Variants in SRL observed in about 807,000 individuals in gnomAD.
The protein encoded by SRL is sarcalumenin.
Under a neutral mutation model 39.5 loss-of-function variants are expected in SRL, and 23 were observed. The observed-to-expected ratio is 0.58, with a 90% confidence interval of 0.42 to 0.82. SRL has a LOEUF of 0.82. Among genes scored for constraint, SRL ranks in the 40% least tolerant of loss-of-function variants. SRL has a pLI of 0.00. For synonymous variants in SRL, 272 were observed against 237.4 expected, an observed-to-expected ratio of 1.15 and a Z score of -1.34; for missense variants, 592 against 607.8, an observed-to-expected ratio of 0.97 and a Z score of 0.27.
chr16:4,197,826 C>T lies in SRL; in HGVS notation c.349G>A (p.Glu117Lys). Residue 117 changes from glutamate (E) to lysine (K), a missense_variant, in exon 4 of 6, where the codon GAA becomes AAA. Coordinates refer to ENST00000399609, the MANE Select transcript of SRL (RefSeq NM_001098814.2). The part of the protein sequence containing the change: ...STMINYLLGL[E>K]NTRYQLYTGA... Reference sequence around the variant, plus strand: ...GTATAGAGCTGATAGCGAGTATTTTCCAGCCCAAGGAGGTAGTTTATCATG... The same window carrying T: ...GTATAGAGCTGATAGCGAGTATTTTTCAGCCCAAGGAGGTAGTTTATCATG... 6.2e-7 allele frequency: 1 copy of T among 1,612,790 alleles called. No individual in the cohort carries two copies. Among genetic ancestry groups the T allele is most frequent in the South Asian group, 1.1e-5 (1 of 91,052 alleles).
intron 1 of SRL, among the ~76,000 whole-genome samples, chr16:4,231,626 G>T (rs1485655594): frequency 2.6e-5 from 4 of 152,054 alleles, no homozygotes; most frequent in African/African-American, 9.7e-5. Context: ...ACCTTATATG[G>T]TTCTCTATTC....
intron 1 of SRL, among the ~76,000 whole-genome samples, chr16:4,205,074 G>C (rs2052301360): frequency 6.6e-6 from 1 of 152,068 alleles, no homozygotes; most frequent in African/African-American, 2.4e-5. Context: ...TGTAATCCTA[G>C]CACTTTAGGA....
At chr16:4,204,084 C>A (rs1223364981) in intron 2 of SRL, among the ~76,000 whole-genome samples, 2 of 152,224 alleles carry the variant, frequency 1.3e-5, no homozygotes, top group East Asian at 3.9e-4. Flanking sequence ...AGGAGCAAAT[C>A]GCTGCTAGCC....
intron 1 of SRL, among the ~76,000 whole-genome samples, chr16:4,217,299 C>T (rs558993144): frequency 6.6e-6 from 1 of 152,300 alleles, no homozygotes; most frequent in African/African-American, 2.4e-5. Flanking sequence ...CAGGGTCTTG[C>T]TCTGTCACCT....
chr16:4,210,616 G>A (rs541766847), intron 1 of SRL, among the ~76,000 whole-genome samples: 5 of 149,526 alleles, frequency 3.3e-5, no homozygotes, highest in East Asian at 2.0e-4. Flanking sequence ...TCAGCCTCCC[G>A]AGTAGCTGGA....
chr16:4,221,376 C>G (rs530719767), intron 1 of SRL, among the ~76,000 whole-genome samples: 1 of 152,294 alleles, frequency 6.6e-6, no homozygotes, highest in African/African-American at 2.4e-5. Context: ...CCCTTGGCAG[C>G]CTCATGGCCA....
intron 3 of SRL, among the ~76,000 whole-genome samples, chr16:4,198,981 C>A (rs188390985): frequency 4.6e-4 from 70 of 152,248 alleles, no homozygotes; most frequent in African/African-American, 1.7e-3. Context: ...AGGCTTTCAA[C>A]GTGGGGTGTG....
chr16:4,195,843 T>G, intron 4 of SRL, 57 bp from the exon 5 acceptor site: 1 of 1,449,864 alleles, frequency 6.9e-7, no homozygotes, highest in Non-Finnish European at 9.5e-7. Context: ...ACAGATCTAC[T>G]GAGAAGCATG....
chr16:4,215,200 C>T (rs2052443710), intron 1 of SRL, among the ~76,000 whole-genome samples: 1 of 152,216 alleles, frequency 6.6e-6, no homozygotes, highest in Non-Finnish European at 1.5e-5. Flanking sequence ...CCTCTTCTGC[C>T]ATTCTCTCAG....
chr16:4,204,414 G>A, intron 2 of SRL, 119 bp downstream of exon 2: 1 of 901,556 alleles, frequency 1.1e-6, no homozygotes, highest in Admixed American at 2.1e-5. Flanking sequence ...GATAGATACA[G>A]CCCCGGCCTC....
In SRL at chr16:4,189,886, G is replaced by T; in HGVS notation, c.*2267C>A. The stretch of plus-strand genomic sequence containing the variant: ...GATCTGCCAAAGCAGCTCACAGCAT[G>T]GAGGAGCAGGCAGGGGAAAGTGGGA... On this transcript the variant is annotated 3_prime_UTR_variant, in exon 6 of 6. Coordinates refer to ENST00000399609, the MANE Select transcript of SRL (RefSeq NM_001098814.2). The T allele has an allele frequency of 5.7e-6, 1 of 175,000 alleles. No individual in the cohort carries two copies. 10.8% of individuals were successfully genotyped at this position (175,000 alleles called of 1,614,324 possible). A position where few individuals can be genotyped will look rare whatever the true frequency, so the allele number is the denominator to read the frequency against.
At chr16:4,230,235 AG>A (rs943705434) in intron 1 of SRL, among the ~76,000 whole-genome samples, 84 of 151,966 alleles carry the variant, frequency 5.5e-4, no homozygotes, top group African/African-American at 1.9e-3. Context: ...CAGATCAGCC[AG>A]GGGGGGCAAC....
At chr16:4,208,435 G>A (rs1567180216) in intron 1 of SRL, among the ~76,000 whole-genome samples, 1 of 152,098 alleles carries the variant, frequency 6.6e-6, no homozygotes, top group Admixed American at 6.5e-5. Context: ...TCCGGGCTTG[G>A]TCCTGATGAC....
At chr16:4,232,173 G>A (rs141150108) in intron 1 of SRL, among the ~76,000 whole-genome samples, 1 of 151,964 alleles carries the variant, frequency 6.6e-6, no homozygotes, top group African/African-American at 2.4e-5. Flanking sequence ...GGAAACAAAG[G>A]CAGGAAAGGA....
intron 1 of SRL, among the ~76,000 whole-genome samples, chr16:4,234,801 A>G (rs2052698070): frequency 1.3e-5 from 2 of 152,192 alleles, no homozygotes; most frequent in Admixed American, 1.3e-4. Context: ...CAGGACCCAG[A>G]AGAGAAACCC....
intron 5 of SRL, among the ~76,000 whole-genome samples, chr16:4,193,210 C>A (rs1305886635): frequency 6.6e-6 from 1 of 152,070 alleles, no homozygotes; most frequent in Admixed American, 6.6e-5. Context: ...ACTCTGTCAC[C>A]CAGGCTGGAG....
intron 1 of SRL, among the ~76,000 whole-genome samples, chr16:4,227,174 A>T (rs779152565): frequency 6.7e-6 from 1 of 149,908 alleles, no homozygotes; most frequent in Non-Finnish European, 1.5e-5. Context: ...GGAAGGGTGG[A>T]TAGATGAATG....
intron 1 of SRL, among the ~76,000 whole-genome samples, chr16:4,206,027 C>T (rs2052314280): frequency 6.6e-6 from 1 of 152,168 alleles, no homozygotes. Context: ...TGACCTCGAC[C>T]TCTACCCTGA....
At chr16:4,196,653 G>A (rs775021069) in intron 4 of SRL, among the ~76,000 whole-genome samples, 9 of 151,816 alleles carry the variant, frequency 5.9e-5, no homozygotes, top group Non-Finnish European at 1.0e-4. Context: ...GCTAATTTTT[G>A]TATTTTTAGT....
Sources: allele counts gnomAD v4.1 joint callset (sites outside exome capture counted in the v4.1 genomes callset), GRCh38; gene constraint gnomAD v4.1.1; transcripts MANE v1.5; gene names NCBI Gene and HGNC (gene_info 2026-07-23, HGNC 2026-07-21).